The following CERS6 variants were observed in gnomAD, a reference collection of about 807,000 sequenced individuals.
CERS6 encodes ceramide synthase 6, also known as LAG1 homolog, ceramide synthase 6.
CERS6 carries 26 observed loss-of-function variants against 56.8 expected under a neutral mutation model. The observed-to-expected ratio is 0.46, with a 90% CI of 0.34 to 0.63. CERS6 has a LOEUF of 0.63. Ranked by LOEUF, CERS6 falls within the 30% of genes least tolerant of loss-of-function variation. The pLI is 0.01. For missense variants in CERS6, 415 were observed against 467.5 expected (o/e 0.89, Z 1.04); for synonymous variants, 164 against 173.3 (o/e 0.95, Z 0.42).
At chr2:168,457,680 T>C (rs1373778024) in intron 1 of CERS6, among the ~76,000 whole-genome samples, 1 of 152,214 alleles carries the variant, frequency 6.6e-6, no homozygotes, top group Non-Finnish European at 1.5e-5. Flanking sequence ...ACTCCGCCTT[T>C]CTTCCCCGCC....
chr2:168,471,489 T>A (rs1693977687), intron 1 of CERS6, among the ~76,000 whole-genome samples: 2 of 152,166 alleles, frequency 1.3e-5, no homozygotes, highest in South Asian at 4.1e-4. Context: ...AACGTCATGG[T>A]TTTAGGCTGT....
intron 1 of CERS6, among the ~76,000 whole-genome samples, chr2:168,485,078 T>C (rs1354800139): frequency 6.6e-6 from 1 of 152,166 alleles, no homozygotes. Context: ...CTTATGAAAT[T>C]GGAGAAAATG....
intron 4 of CERS6, among the ~76,000 whole-genome samples, chr2:168,667,264 A>G (rs1685786000): frequency 1.3e-5 from 2 of 152,236 alleles, no homozygotes; most frequent in Admixed American, 6.5e-5. Context: ...GCACTTTGTC[A>G]GTTTCTTGCA....
chr2:168,691,326 G>A (rs1686496699), intron 5 of CERS6, among the ~76,000 whole-genome samples: 1 of 152,180 alleles, frequency 6.6e-6, no homozygotes, highest in African/African-American at 2.4e-5. Context: ...ACATTTACAA[G>A]GGAATAGGAT....
intron 8 of CERS6, among the ~76,000 whole-genome samples, chr2:168,731,602 G>C (rs933534665): frequency 2.0e-5 from 3 of 152,050 alleles, no homozygotes; most frequent in Non-Finnish European, 4.4e-5. Context: ...TTGACCATGG[G>C]AAGGGAGGGA....
In CERS6 at chr2:168,769,600, A is replaced by C. The variant is rs535039602; in HGVS notation, c.1093A>C (p.Thr365Pro). ...PGKNPHTATT[T>P]NGTSGTNGYL... ...AAAGAATCCCCACACTGCGACAACC[A>C]CCAATGGGACCAGTGGTACCAACGG... Residue 365 changes from threonine (T) to proline (P), a missense_variant, in exon 10 of 10, where the codon ACC becomes CCC. Transcript: ENST00000305747. 9.9e-6 allele frequency: 16 copies of C among 1,612,704 alleles called. No individual in the cohort carries two copies. The African/African-American group carries it at 1.9e-4, about 19-fold the overall frequency.
intron 3 of CERS6, among the ~76,000 whole-genome samples, chr2:168,590,404 T>C (rs1427255166): frequency 6.6e-6 from 1 of 152,228 alleles, no homozygotes; most frequent in Non-Finnish European, 1.5e-5. Context: ...ATCAGACTTA[T>C]ATACACGTAT....
At chr2:168,571,861 G>T (rs1018161875) in intron 3 of CERS6, among the ~76,000 whole-genome samples, 3 of 152,094 alleles carry the variant, frequency 2.0e-5, no homozygotes, top group African/African-American at 7.2e-5. Flanking sequence ...TTACAATTCA[G>T]TTATTATTGA....
chr2:168,770,589 T>C lies in CERS6; in HGVS notation c.*927T>C, dbSNP rs1684838766. ...CTATAATTAGTGCAGTCTTATGTTATAAAAGAAAGAAGTTAACTATATTTG... is the reference window on the plus strand; with the variant it reads ...CTATAATTAGTGCAGTCTTATGTTACAAAAGAAAGAAGTTAACTATATTTG... On this transcript the variant is annotated 3_prime_UTR_variant, in exon 10 of 10. Coordinates refer to ENST00000305747, the MANE Select transcript of CERS6 (RefSeq NM_203463.3). The C allele has an allele frequency of 1.3e-5, 2 of 152,738 alleles. No homozygotes were observed. Among genetic ancestry groups the C allele is most frequent in the South Asian group, 4.1e-4 (2 of 4,830 alleles). The allele number at this position is 152,738 out of a possible 1,614,324, so 9.5% of individuals were successfully genotyped here. A position where few individuals can be genotyped will look rare whatever the true frequency, so the allele number is the denominator to read the frequency against.
intron 1 of CERS6, among the ~76,000 whole-genome samples, chr2:168,479,079 A>G (rs935896044): frequency 6.6e-6 from 1 of 152,142 alleles, no homozygotes; most frequent in African/African-American, 2.4e-5. Context: ...TAAATAATCC[A>G]TATTTTTTTC....
At chr2:168,643,060 A>G (rs1053241612) in intron 4 of CERS6, among the ~76,000 whole-genome samples, 1 of 152,358 alleles carries the variant, frequency 6.6e-6, no homozygotes, top group Non-Finnish European at 1.5e-5. Context: ...GGTAATAACT[A>G]TACCGCAGTG....
intron 3 of CERS6, among the ~76,000 whole-genome samples, chr2:168,571,650 C>T (rs973891110): frequency 1.3e-5 from 2 of 152,086 alleles, no homozygotes; most frequent in Non-Finnish European, 1.5e-5. Context: ...TTGGAGCCAA[C>T]TACTTTTATT....
intron 4 of CERS6, among the ~76,000 whole-genome samples, chr2:168,631,604 T>G (rs1472678194): frequency 8.5e-6 from 1 of 117,550 alleles, no homozygotes; most frequent in East Asian, 2.2e-4. Context: ...ATATTAAATA[T>G]ATAATATATT....
chr2:168,499,898 G>C (rs1694549210), intron 1 of CERS6, among the ~76,000 whole-genome samples: 1 of 152,102 alleles, frequency 6.6e-6, no homozygotes, highest in South Asian at 2.1e-4. Context: ...TTAGTCTGTG[G>C]AAAGCAGGAA....
chr2:168,624,453 C>T lies in CERS6; in HGVS notation c.408-6532C>T, dbSNP rs533032815. 7.2e-5 allele frequency among the ~76,000 whole-genome samples: 11 copies of T among 152,178 alleles called. No individual in the cohort carries two copies. In the East Asian group the frequency reaches 1.2e-3, roughly 16 times the overall value. ...AATTTAAACTTGCCATCTTATAGTA[C>T]GATGGGAATGATAGTGGCACAGTGT... On this transcript the variant is annotated intron_variant, in intron 3 of 9. Coordinates refer to ENST00000305747, the MANE Select transcript of CERS6 (RefSeq NM_203463.3).
At chr2:168,575,340 C>T (rs771072998) in intron 3 of CERS6, among the ~76,000 whole-genome samples, 1 of 152,006 alleles carries the variant, frequency 6.6e-6, no homozygotes, top group Non-Finnish European at 1.5e-5. Flanking sequence ...CTTGGGAGGC[C>T]TTAGGAAACT....
chr2:168,719,301 A>G (rs1386780339), intron 8 of CERS6, among the ~76,000 whole-genome samples: 1 of 152,172 alleles, frequency 6.6e-6, no homozygotes. Flanking sequence ...CATTTACTGG[A>G]CATAGGTAAT....
intron 3 of CERS6, among the ~76,000 whole-genome samples, chr2:168,561,855 A>G (rs1034993213): frequency 4.6e-5 from 7 of 152,238 alleles, no homozygotes; most frequent in African/African-American, 1.2e-4. Context: ...AACTTTATAT[A>G]GTGTATAAAT....
At chr2:168,466,297 T>C (rs1330425514) in intron 1 of CERS6, among the ~76,000 whole-genome samples, 1 of 152,174 alleles carries the variant, frequency 6.6e-6, no homozygotes, top group Non-Finnish European at 1.5e-5. Context: ...CGGAGGAGTC[T>C]AGGATTAAAG....
Sources: gnomAD v4.1 joint callset for allele counts (sites outside exome capture counted in the v4.1 genomes callset) on GRCh38, gnomAD v4.1.1 for gene constraint, MANE v1.5 for transcripts, NCBI Gene and HGNC (gene_info 2026-07-23, HGNC 2026-07-21) for gene names.